Variants in PHF2 observed in about 807,000 individuals in gnomAD.
PHF2 encodes PHD finger protein 2.
In PHF2, 27 loss-of-function variants were observed where a neutral mutation model predicts 120.5. That is an observed-to-expected ratio of 0.22 (90% CI 0.17 to 0.31). The LOEUF is 0.31. Ranked by LOEUF, PHF2 falls within the 10% of genes least tolerant of loss-of-function variation. PHF2 has a pLI of 1.00. For missense variants in PHF2, 1,024 were observed against 1,434.8 expected, an observed-to-expected ratio of 0.71 and a Z score of 4.63; for synonymous variants, 568 against 592.5, an observed-to-expected ratio of 0.96 and a Z score of 0.60.
At chr9:93,658,388 C>T (rs780541551) in intron 10 of PHF2, 152 bp downstream of exon 10, 18 of 674,676 alleles carry the variant, frequency 2.7e-5, no homozygotes, top group Middle Eastern at 4.1e-4. Flanking sequence ...TGGCTTGGCC[C>T]GGGGTGTGCC....
At chr9:93,589,985 A>C (rs1179162484) in intron 1 of PHF2, among the ~76,000 whole-genome samples, 2 of 152,172 alleles carry the variant, frequency 1.3e-5, no homozygotes, top group Non-Finnish European at 2.9e-5. Context: ...CTCATTTCTC[A>C]TCCGAGGCCA....
intron 1 of PHF2, among the ~76,000 whole-genome samples, chr9:93,580,063 G>T (rs1416653489): frequency 6.6e-6 from 1 of 152,206 alleles, no homozygotes; most frequent in Non-Finnish European, 1.5e-5. Flanking sequence ...TGGAGTAGAG[G>T]TCGGGGAAAC....
At chr9:93,626,448 C>G (rs1209767194) in intron 1 of PHF2, among the ~76,000 whole-genome samples, 1 of 152,108 alleles carries the variant, frequency 6.6e-6, no homozygotes, top group Non-Finnish European at 1.5e-5. Context: ...TATTGTTGAA[C>G]TGTAATAGTT....
rs568701948 is a variant in PHF2 at position 93,594,378 on chromosome 9, G to A, written c.98+17507G>A. Reference sequence around the variant, plus strand: ...CCCTGCTTTGGGAACATTCCAGGTCGGGGCGGCTCCTGTTCCCAGCCTCTT... The same window carrying A: ...CCCTGCTTTGGGAACATTCCAGGTCAGGGCGGCTCCTGTTCCCAGCCTCTT... On this transcript the variant is annotated intron_variant, in intron 1 of 21. Transcript: ENST00000359246. Among the ~76,000 whole-genome samples the A allele has an allele frequency of 9.2e-5, 14 of 152,312 alleles. No individual in the cohort carries two copies. In the South Asian group the frequency reaches 2.7e-3, roughly 29 times the overall value.
chr9:93,636,443 C>G lies in PHF2; in HGVS notation c.217C>G (p.Pro73Ala). ...GAAGCGGACCTGGCACAAACACGGCCCGGGGCAAGCGCCTGACGTCAAGCC... is the reference window on the plus strand; with the variant it reads ...GAAGCGGACCTGGCACAAACACGGCGCGGGGCAAGCGCCTGACGTCAAGCC... Reference protein sequence around the residue: ...KKKRTWHKHGPGQAPDVKPVQ... With the variant: ...KKKRTWHKHGAGQAPDVKPVQ... Residue 73 changes from proline to alanine, a missense_variant, in exon 3 of 22, where the codon CCG becomes GCG. Around this residue, in one of 2 missense-constraint regions of PHF2, gnomAD observed 347 missense variants for 577.4 expected, o/e 0.60. Coordinates refer to ENST00000359246, the MANE Select transcript of PHF2 (RefSeq NM_005392.4). 1 of 1,610,220 alleles carries G rather than the reference C, an allele frequency of 6.2e-7. No homozygotes were observed. Among genetic ancestry groups the G allele is most frequent in the Non-Finnish European group, 8.5e-7 (1 of 1,178,504 alleles).
intron 3 of PHF2, among the ~76,000 whole-genome samples, chr9:93,643,526 C>A (rs1453731627): frequency 6.6e-6 from 1 of 152,196 alleles, no homozygotes; most frequent in Non-Finnish European, 1.5e-5. Context: ...AGTGGACATT[C>A]TTCAGTTCTA....
At chr9:93,627,712 T>C (rs1825937608) in intron 1 of PHF2, among the ~76,000 whole-genome samples, 1 of 152,180 alleles carries the variant, frequency 6.6e-6, no homozygotes, top group East Asian at 1.9e-4. Flanking sequence ...ATTTTTATCA[T>C]GAAAGGATTT....
Position 93,676,740 on chromosome 9 carries a change from G to C in PHF2, c.2979G>C (p.Pro993=). The change falls in exon 21 of 22, where the codon CCG becomes CCC. Residue 993 remains proline (P), a synonymous_variant. Transcript: ENST00000359246. ...CTACCACCCCGGCCTCCACCACCCC[G>C]GCCTCCACCAGCACGGCCAGCAGCC... The part of the protein sequence containing the change: ...PASTTPASTT[P]ASTSTASSQA... 1 of 1,555,936 alleles carries C rather than the reference G, an allele frequency of 6.4e-7. No individual in the cohort carries two copies. The highest frequency in any genetic ancestry group is 2.4e-5 in the East Asian group (1 of 41,240).
chr9:93,663,093 C>G (rs189234065), intron 13 of PHF2, 67 bp downstream of exon 13: 628 of 1,588,194 alleles, frequency 4.0e-4, no homozygotes, highest in Non-Finnish European at 5.1e-4. Flanking sequence ...AGAGGTGAAT[C>G]TGTGAGGCCC....
intron 3 of PHF2, among the ~76,000 whole-genome samples, chr9:93,644,005 C>T (rs987550519): frequency 7.9e-5 from 12 of 152,194 alleles, no homozygotes; most frequent in Non-Finnish European, 1.5e-4. Flanking sequence ...CCTCCTGATG[C>T]TCTCTGTGCC....
At position 93,615,600 on chromosome 9, in the gene PHF2, A is replaced by G. The variant is rs375598856; in HGVS notation, c.99-14370A>G. Among the ~76,000 whole-genome samples the G allele has an allele frequency of 2.0e-5, 3 of 151,320 alleles. No homozygotes were observed. The East Asian group carries it at 5.8e-4, about 29-fold the overall frequency. ...GTTGAGTACCTCTTGTGGTCCCACA[A>G]TTGTTGGTGGCAATCATTGCCCAGG... On this transcript the variant is annotated intron_variant, in intron 1 of 21. Transcript: ENST00000359246.
At chr9:93,658,794 C>G (rs1286939723) in intron 10 of PHF2, among the ~76,000 whole-genome samples, 1 of 152,128 alleles carries the variant, frequency 6.6e-6, no homozygotes, top group Non-Finnish European at 1.5e-5. Context: ...GCTCTGTGAC[C>G]CGGGCAGCCC....
intron 16 of PHF2, among the ~76,000 whole-genome samples, chr9:93,666,325 T>C (rs1826680449): frequency 6.6e-6 from 1 of 152,168 alleles, no homozygotes; most frequent in Non-Finnish European, 1.5e-5. Flanking sequence ...TCTAGTGTAT[T>C]AACTGCTTTC....
Position 93,676,788 on chromosome 9 carries a change from G to A in PHF2, c.3027G>A (p.Ser1009=), listed in dbSNP as rs143554999. Residue 1009 remains serine, a synonymous_variant, in exon 21 of 22, where the codon TCG becomes TCA. Transcript: ENST00000359246. ...GCCAGGCCTCGCAGGAGGGCAGCTC[G>A]CCAGAGCCCCCGCCTGAGTCGCATA... is the stretch of plus-strand genomic sequence containing the variant. ...ASSQASQEGS[S]PEPPPESHSS... 374 of 1,552,230 alleles carry A rather than the reference G, an allele frequency of 2.4e-4. No individual in the cohort carries two copies. In the African/African-American group the frequency reaches 3.5e-3, roughly 14 times the overall value.
intron 1 of PHF2, among the ~76,000 whole-genome samples, chr9:93,597,720 A>G (rs1266341869): frequency 3.3e-5 from 5 of 152,158 alleles, no homozygotes; most frequent in South Asian, 2.1e-4. Flanking sequence ...CCTTAGGCCT[A>G]TGTGGCACTG....
intron 9 of PHF2, 92 bp from the exon 10 acceptor site, chr9:93,658,053 C>T: frequency 1.3e-6 from 1 of 799,384 alleles, no homozygotes; most frequent in Non-Finnish European, 2.1e-6. Context: ...GAAGGCTGGA[C>T]CTGGCATCCC....
chr9:93,577,613 C>A (rs1347277327), intron 1 of PHF2, among the ~76,000 whole-genome samples: 1 of 152,216 alleles, frequency 6.6e-6, no homozygotes, highest in African/African-American at 2.4e-5. Context: ...TTGCCACCTC[C>A]TCCCTGGCCT....
At chr9:93,580,891 G>T (rs1235524126) in intron 1 of PHF2, among the ~76,000 whole-genome samples, 3 of 152,152 alleles carry the variant, frequency 2.0e-5, no homozygotes, top group Non-Finnish European at 2.9e-5. Context: ...AGTGGACTGA[G>T]GTTTTGACTG....
At chr9:93,665,275 G>A (rs1461714858) in intron 14 of PHF2, among the ~76,000 whole-genome samples, 3 of 152,224 alleles carry the variant, frequency 2.0e-5, no homozygotes, top group Non-Finnish European at 4.4e-5. Context: ...GGCCCGAGGC[G>A]GGGCTTAAGC....
Sources: allele counts gnomAD v4.1 joint callset (sites outside exome capture counted in the v4.1 genomes callset), GRCh38; gene constraint gnomAD v4.1.1; regional missense constraint gnomAD v4.1.1; transcripts MANE v1.5; gene names NCBI Gene and HGNC (gene_info 2026-07-23, HGNC 2026-07-21).